Variants in LRMDA observed in about 807,000 individuals in gnomAD.
LRMDA encodes leucine-rich melanocyte differentiation-associated protein.
Under a neutral mutation model 29.8 loss-of-function variants are expected in LRMDA, and 18 were observed. The observed-to-expected ratio is 0.60, with a 90% CI of 0.42 to 0.90. LRMDA has a LOEUF of 0.90. Ranked by LOEUF, LRMDA falls within the 40% of genes least tolerant of loss-of-function variation. The probability of loss-of-function intolerance (pLI) is 0.00; values close to 1 mark genes in which losing one functional copy is unlikely to be tolerated. For synonymous variants in LRMDA, 125 were observed against 109.4 expected, an observed-to-expected ratio of 1.14 and a Z score of -0.89; for missense variants, 273 against 273.9, an observed-to-expected ratio of 1.00 and a Z score of 0.02.
In LRMDA at chr10:76,162,033, C is replaced by T. The variant is rs887619209; in HGVS notation, c.516+103250C>T. 5.3e-5 allele frequency among the ~76,000 whole-genome samples: 8 copies of T among 152,308 alleles called. 1 individual carries two copies. The Middle Eastern group carries it at 0.01, about 194-fold the overall frequency. On this transcript the variant is annotated intron_variant, in intron 5 of 6. Transcript: ENST00000611255. ...TTTACTTCTGAATAACTGCAGCTGA[C>T]AGGTCATTTCTGACTATTACATGTG...
intron 4 of LRMDA, among the ~76,000 whole-genome samples, chr10:76,052,825 C>T (rs1848552191): frequency 2.0e-5 from 3 of 152,104 alleles, no homozygotes. Flanking sequence ...CTCTGACTCT[C>T]ACCCCCACCC....
intron 6 of LRMDA, among the ~76,000 whole-genome samples, chr10:76,413,698 G>T (rs970193686): frequency 7.2e-5 from 11 of 152,112 alleles, no homozygotes; most frequent in African/African-American, 2.7e-4. Context: ...TTTATTTATT[G>T]CATGGTGTTC....
chr10:76,533,617 G>A (rs1843258997), intron 6 of LRMDA, among the ~76,000 whole-genome samples: 1 of 152,030 alleles, frequency 6.6e-6, no homozygotes, highest in Admixed American at 6.6e-5. Flanking sequence ...AGGCACCTAT[G>A]GATTTCTATT....
chr10:76,276,917 A>AT (rs1840142782), intron 5 of LRMDA, among the ~76,000 whole-genome samples: 1 of 152,144 alleles, frequency 6.6e-6, no homozygotes, highest in Admixed American at 6.6e-5. Context: ...CTGTACACTC[A>AT]AGAGTTAGTA....
chr10:75,852,700 A>G (rs141478578), intron 2 of LRMDA, among the ~76,000 whole-genome samples: 1 of 152,240 alleles, frequency 6.6e-6, no homozygotes, highest in Non-Finnish European at 1.5e-5. Context: ...TGGCCTCTGT[A>G]GAGAGATGGA....
chr10:76,358,501 C>T (rs1841269793), intron 6 of LRMDA, among the ~76,000 whole-genome samples: 1 of 152,132 alleles, frequency 6.6e-6, no homozygotes, highest in South Asian at 2.1e-4. Flanking sequence ...GTTTTCTCAC[C>T]TGAATATCTC....
chr10:75,851,018 G>A (rs945251801), intron 2 of LRMDA, among the ~76,000 whole-genome samples: 4 of 152,018 alleles, frequency 2.6e-5, no homozygotes, highest in East Asian at 1.9e-4. Flanking sequence ...TTTTAACCCC[G>A]CCTGGAAGAG....
At chr10:75,691,125 C>CATAGATATATAGATCTATATATCTATATA (rs1564541111) in intron 2 of LRMDA, among the ~76,000 whole-genome samples, 1,421 of 78,468 alleles carry the variant, frequency 0.018, 37 homozygotes, top group Non-Finnish European at 0.023. Context: ...TATCTATATA[C>CATAGATATATAGATCTATATATCTATATA]ATAGATATAT....
At chr10:75,840,074 T>C (rs2132300026) in intron 2 of LRMDA, among the ~76,000 whole-genome samples, 1 of 152,286 alleles carries the variant, frequency 6.6e-6, no homozygotes, top group South Asian at 2.1e-4. Flanking sequence ...ACACTTTTTT[T>C]CCCTATTGGC....
In LRMDA at chr10:75,942,685, A is replaced by T. The variant is rs549919039; in HGVS notation, c.132-93323A>T. Among the ~76,000 whole-genome samples, 17 of 152,308 alleles carry T rather than the reference A, an allele frequency of 1.1e-4. No individual in the cohort carries two copies. The East Asian group carries it at 2.3e-3, about 21-fold the overall frequency. On this transcript the variant is annotated intron_variant, in intron 2 of 6. Coordinates refer to ENST00000611255, the MANE Select transcript of LRMDA (RefSeq NM_001305581.2). Reference sequence around the variant, plus strand: ...TGCCCTGGAGGATTTGGCCTGGTCAACTTCTCATCAATTAATGTGCTGATG... The same window carrying T: ...TGCCCTGGAGGATTTGGCCTGGTCATCTTCTCATCAATTAATGTGCTGATG...
At chr10:75,990,251 C>T (rs746128569) in intron 2 of LRMDA, among the ~76,000 whole-genome samples, 1 of 152,162 alleles carries the variant, frequency 6.6e-6, no homozygotes, top group Non-Finnish European at 1.5e-5. Context: ...TAAACTGCTG[C>T]GTGTCAGATT....
intron 2 of LRMDA, among the ~76,000 whole-genome samples, chr10:75,638,346 G>A (rs568929002): frequency 2.0e-5 from 3 of 152,220 alleles, no homozygotes; most frequent in Non-Finnish European, 4.4e-5. Flanking sequence ...CTTCTCAAGC[G>A]GCTTTCAGAG....
intron 5 of LRMDA, among the ~76,000 whole-genome samples, chr10:76,300,624 A>G (rs1840469182): frequency 6.6e-6 from 1 of 152,192 alleles, no homozygotes; most frequent in South Asian, 2.1e-4. Flanking sequence ...TTCAGACGCT[A>G]GGCTGTTTTG....
intron 2 of LRMDA, among the ~76,000 whole-genome samples, chr10:75,456,233 A>G (rs1844515506): frequency 6.6e-6 from 1 of 152,172 alleles, no homozygotes; most frequent in African/African-American, 2.4e-5. Flanking sequence ...GCCCTGACAC[A>G]TATACGCGGC....
At chr10:75,721,478 T>G (rs1842566212) in intron 2 of LRMDA, among the ~76,000 whole-genome samples, 1 of 152,150 alleles carries the variant, frequency 6.6e-6, no homozygotes. Flanking sequence ...GATTTGGGGT[T>G]TCATAATACA....
At chr10:76,476,475 G>A (rs935439902) in intron 6 of LRMDA, among the ~76,000 whole-genome samples, 12 of 152,068 alleles carry the variant, frequency 7.9e-5, no homozygotes, top group African/African-American at 2.7e-4. Flanking sequence ...AGAGTTACAA[G>A]GAGGAGCTGG....
At chr10:76,415,393 G>A (rs1251381189) in intron 6 of LRMDA, among the ~76,000 whole-genome samples, 1 of 151,532 alleles carries the variant, frequency 6.6e-6, no homozygotes, top group African/African-American at 2.4e-5. Context: ...ATTTTTTTTT[G>A]AGAAGTAGCT....
chr10:76,527,096 A>T (rs918025154), intron 6 of LRMDA, among the ~76,000 whole-genome samples: 2 of 149,400 alleles, frequency 1.3e-5, no homozygotes, highest in Non-Finnish European at 3.0e-5. Context: ...ATTTAGAGCT[A>T]CATTTGTCTG....
At chr10:75,797,049 T>C (rs1589208716) in intron 2 of LRMDA, among the ~76,000 whole-genome samples, 1 of 152,322 alleles carries the variant, frequency 6.6e-6, no homozygotes, top group East Asian at 1.9e-4. Context: ...TTTTGGGTTT[T>C]TTTTCTTAAG....
Sources: gnomAD v4.1 joint callset for allele counts (sites outside exome capture counted in the v4.1 genomes callset) on GRCh38, gnomAD v4.1.1 for gene constraint, MANE v1.5 for transcripts, NCBI Gene and HGNC (gene_info 2026-07-23, HGNC 2026-07-21) for gene names.